CUBN: variants seen among roughly 807,000 people sequenced by gnomAD.
CUBN encodes 460 kDa receptor.
A neutral mutation model predicts 405.3 loss-of-function variants in CUBN; 282 were observed. The observed-to-expected ratio is 0.70, with a 90% CI of 0.63 to 0.77. CUBN has a LOEUF of 0.77. Among genes scored for constraint, CUBN ranks in the 30% least tolerant of loss-of-function variants. The probability of loss-of-function intolerance (pLI) is 0.00; values close to 1 mark genes in which losing one functional copy is unlikely to be tolerated. For synonymous variants in CUBN, 1,684 were observed against 1,617.0 expected, an observed-to-expected ratio of 1.04 and a Z score of -0.99; for missense variants, 4,514 against 4,475.2, an observed-to-expected ratio of 1.01 and a Z score of -0.25.
chr10:17,124,503 A>C (rs897851351), intron 4 of CUBN, among the ~76,000 whole-genome samples: 7 of 150,404 alleles, frequency 4.7e-5, no homozygotes, highest in African/African-American at 1.7e-4. Context: ...ATCTCCGCTC[A>C]CTGCAGGCGC....
intron 28 of CUBN, among the ~76,000 whole-genome samples, chr10:16,994,436 T>C (rs2131725259): frequency 6.6e-6 from 1 of 152,356 alleles, no homozygotes; most frequent in Middle Eastern, 3.4e-3. Flanking sequence ...ATCCTTTACA[T>C]GTTAATCACT....
At chr10:16,834,495 C>T (rs889588446) in intron 64 of CUBN, among the ~76,000 whole-genome samples, 2 of 152,122 alleles carry the variant, frequency 1.3e-5, no homozygotes, top group Non-Finnish European at 2.9e-5. Flanking sequence ...ACAGACCACA[C>T]CCCCCTGAGA....
intron 41 of CUBN, among the ~76,000 whole-genome samples, chr10:16,927,419 G>T (rs908164868): frequency 6.6e-6 from 1 of 152,158 alleles, no homozygotes; most frequent in Non-Finnish European, 1.5e-5. Context: ...TCCCTTGAGC[G>T]TGAGGAACAC....
At chr10:16,911,738 A>T (rs1182061684) in intron 48 of CUBN, among the ~76,000 whole-genome samples, 1 of 152,238 alleles carries the variant, frequency 6.6e-6, no homozygotes, top group Non-Finnish European at 1.5e-5. Flanking sequence ...TTCAAAGGTA[A>T]AAAACAACTG....
chr10:17,084,573 T>C (rs1836060199), intron 16 of CUBN, 112 bp from the exon 17 acceptor site: 11 of 843,348 alleles, frequency 1.3e-5, no homozygotes, highest in African/African-American at 1.7e-5. Flanking sequence ...CAAGCACATA[T>C]CCATTTTATT....
intron 58 of CUBN, among the ~76,000 whole-genome samples, chr10:16,870,082 G>C (rs552736094): frequency 3.9e-5 from 6 of 152,180 alleles, no homozygotes; most frequent in Non-Finnish European, 8.8e-5. Context: ...AGCAGCTGGG[G>C]ATGTCAAAGT....
chr10:16,908,985 C>T (rs1245599969), intron 48 of CUBN, among the ~76,000 whole-genome samples: 2 of 151,184 alleles, frequency 1.3e-5, no homozygotes, highest in Non-Finnish European at 2.9e-5. Context: ...CGGGTTCACG[C>T]CATTCTCCTG....
At chr10:16,954,909 G>A (rs1843009709) in intron 31 of CUBN, among the ~76,000 whole-genome samples, 1 of 152,156 alleles carries the variant, frequency 6.6e-6, no homozygotes, top group African/African-American at 2.4e-5. Context: ...TGAGAAAACA[G>A]ACGAGAAATA....
At chr10:17,053,960 T>C (rs561138113) in intron 22 of CUBN, among the ~76,000 whole-genome samples, 4 of 152,188 alleles carry the variant, frequency 2.6e-5, no homozygotes, top group African/African-American at 7.2e-5. Context: ...CATTTGCAAA[T>C]AATCCATAGA....
chr10:16,886,819 G>A (rs746362591), intron 56 of CUBN, among the ~76,000 whole-genome samples: 3 of 152,164 alleles, frequency 2.0e-5, no homozygotes, highest in Non-Finnish European at 2.9e-5. Flanking sequence ...ACAGAGTTTC[G>A]CTCTTGTCGC....
chr10:17,008,415 G>A (rs1029642447), intron 28 of CUBN, among the ~76,000 whole-genome samples: 1 of 139,122 alleles, frequency 7.2e-6, no homozygotes, highest in Admixed American at 7.5e-5. Flanking sequence ...CCCCATGGCT[G>A]CAGAATCCCT....
At chr10:16,839,924 G>C (rs1487514740) in intron 62 of CUBN, among the ~76,000 whole-genome samples, 1 of 152,058 alleles carries the variant, frequency 6.6e-6, no homozygotes, top group Non-Finnish European at 1.5e-5. Context: ...TAGGGACATG[G>C]ATGAAGCTAG....
chr10:17,055,539 A>T (rs963042431), intron 22 of CUBN, among the ~76,000 whole-genome samples: 1 of 152,142 alleles, frequency 6.6e-6, no homozygotes, highest in Non-Finnish European at 1.5e-5. Flanking sequence ...TATTTAAGTC[A>T]TTAGAACTAA....
At chr10:16,948,707 A>T in intron 34 of CUBN, 101 bp from the exon 35 acceptor site, 1 of 1,469,410 alleles carries the variant, frequency 6.8e-7, no homozygotes, top group South Asian at 1.2e-5. Context: ...AGACCAAAAC[A>T]AAGTGAAGAA....
chr10:17,084,442 C>T lies in CUBN; in HGVS notation c.2130G>A (p.Gly710=), dbSNP rs770211324. 1.9e-6 allele frequency: 3 copies of T among 1,613,322 alleles called. No individual in the cohort carries two copies. The highest frequency in any genetic ancestry group is 2.5e-6 in the Non-Finnish European group (3 of 1,179,842). The stretch of plus-strand genomic sequence containing the variant: ...GTTCACCCTCTGGGTCCGTGTAGTT[C>T]CCACCACAACGCAGATCCGCTAAGA... ...LTSPSDLRCG[G]NYTDPEGELF... Residue 710 remains glycine, a synonymous_variant, in exon 17 of 67, where the codon GGG becomes GGA. Transcript: ENST00000377833.
chr10:17,000,867 A>C (rs1833858285), intron 28 of CUBN, among the ~76,000 whole-genome samples: 6 of 152,206 alleles, frequency 3.9e-5, no homozygotes, highest in Middle Eastern at 3.2e-3. Flanking sequence ...TTGGGATGAG[A>C]CATGAGATTG....
At chr10:17,087,934 T>C (rs1030848285) in intron 15 of CUBN, among the ~76,000 whole-genome samples, 1 of 152,142 alleles carries the variant, frequency 6.6e-6, no homozygotes, top group Non-Finnish European at 1.5e-5. Flanking sequence ...GGTAACACCA[T>C]AGCAGGGCAA....
chr10:17,073,740 C>T (rs1373367810), intron 17 of CUBN, among the ~76,000 whole-genome samples: 3 of 152,164 alleles, frequency 2.0e-5, no homozygotes, highest in African/African-American at 7.2e-5. Context: ...GCCACTGCGC[C>T]CGGCCAAATA....
intron 31 of CUBN, among the ~76,000 whole-genome samples, chr10:16,955,519 C>A (rs1466526643): frequency 6.6e-6 from 1 of 151,838 alleles, no homozygotes; most frequent in African/African-American, 2.4e-5. Flanking sequence ...TCACATATAC[C>A]TGAAATCTCT....
Sources: gnomAD v4.1 joint callset for allele counts (sites outside exome capture counted in the v4.1 genomes callset) on GRCh38, gnomAD v4.1.1 for gene constraint, MANE v1.5 for transcripts, NCBI Gene and HGNC (gene_info 2026-07-23, HGNC 2026-07-21) for gene names.